PDZRN3: variants seen among roughly 807,000 people sequenced by gnomAD.
PDZRN3 encodes E3 ubiquitin-protein ligase PDZRN3.
PDZRN3 carries 38 observed loss-of-function variants against 85.7 expected under a neutral mutation model. The ratio of observed to expected loss-of-function variants is 0.44; its 90% CI spans 0.34 to 0.58. The LOEUF is 0.58. Among genes scored for constraint, PDZRN3 ranks in the 20% least tolerant of loss-of-function variants. The probability of loss-of-function intolerance (pLI) is 0.01; values close to 1 mark genes in which losing one functional copy is unlikely to be tolerated. For missense variants in PDZRN3, 1,629 were observed against 1,506.4 expected, an observed-to-expected ratio of 1.08 and a Z score of -1.35; for synonymous variants, 759 against 638.0, an observed-to-expected ratio of 1.19 and a Z score of -2.86.
At chr3:73,601,736 C>T (rs186526427) in intron 3 of PDZRN3, among the ~76,000 whole-genome samples, 359 of 152,198 alleles carry the variant, frequency 2.4e-3, no homozygotes, top group Non-Finnish European at 3.5e-3. Flanking sequence ...GATCCACTTC[C>T]CCTACATGAG....
At chr3:73,565,478 G>A (rs1206060001) in intron 3 of PDZRN3, among the ~76,000 whole-genome samples, 1 of 151,954 alleles carries the variant, frequency 6.6e-6, no homozygotes, top group East Asian at 1.9e-4. Context: ...ATCTCTTTAG[G>A]CCTCATCTGA....
At chr3:73,400,033 T>C (rs1395832999) in intron 5 of PDZRN3, among the ~76,000 whole-genome samples, 1 of 152,192 alleles carries the variant, frequency 6.6e-6, no homozygotes, top group Admixed American at 6.5e-5. Context: ...TTCAGAAGTA[T>C]TGGTAGGACA....
At chr3:73,486,472 A>G (rs561979744) in intron 3 of PDZRN3, among the ~76,000 whole-genome samples, 168 of 152,350 alleles carry the variant, frequency 1.1e-3, no homozygotes, top group African/African-American at 3.7e-3. Context: ...CAGCCAAAAA[A>G]TAAACAAAAA....
intron 3 of PDZRN3, among the ~76,000 whole-genome samples, chr3:73,578,594 AG>A: frequency 6.6e-6 from 1 of 152,222 alleles, no homozygotes; most frequent in East Asian, 1.9e-4. Flanking sequence ...AGTGACAAAA[AG>A]TAAAAGCCTG....
intron 1 of PDZRN3, 126 bp downstream of exon 1, chr3:73,623,977 A>G: frequency 2.1e-6 from 2 of 947,412 alleles, no homozygotes; most frequent in Non-Finnish European, 2.9e-6. Flanking sequence ...TAAGCAGTGG[A>G]AGAAGAGGGA....
At chr3:73,600,337 A>ACACACT (rs34405662) in intron 3 of PDZRN3, among the ~76,000 whole-genome samples, 1,022 of 100,068 alleles carry the variant, frequency 0.01, 17 homozygotes, top group African/African-American at 0.039. Context: ...ACACACACAC[A>ACACACT]CTCTCTCTCT....
rs763622913 is a variant in PDZRN3, at chr3:73,384,649, C to A, written c.1917G>T (p.Pro639=). 1.9e-6 allele frequency: 3 copies of A among 1,613,932 alleles called. No homozygotes were observed. Among genetic ancestry groups the A allele is most frequent in the South Asian group, 2.2e-5 (2 of 91,082 alleles). ...CGCGGAAGCGCTCGCACTCGTCCAC[C>A]GGGATCCCCAGGTAGTCGGCGTCCG... ...DCTDADYLGI[P]VDECERFREL... Residue 639 remains proline (P), a synonymous_variant, in exon 10 of 10, where the codon CCG becomes CCT. Coordinates refer to ENST00000263666, the MANE Select transcript of PDZRN3 (RefSeq NM_015009.3).
At chr3:73,452,190 A>G (rs1272684956) in intron 3 of PDZRN3, among the ~76,000 whole-genome samples, 1 of 152,102 alleles carries the variant, frequency 6.6e-6, no homozygotes, top group African/African-American at 2.4e-5. Context: ...ATCTCCAGCC[A>G]TCATTCCACA....
At chr3:73,528,071 C>G (rs994023371) in intron 3 of PDZRN3, among the ~76,000 whole-genome samples, 5 of 152,310 alleles carry the variant, frequency 3.3e-5, no homozygotes, top group African/African-American at 1.2e-4. Context: ...AGGTCAAGGT[C>G]AAAAAGCAGT....
intron 3 of PDZRN3, among the ~76,000 whole-genome samples, chr3:73,501,313 C>T (rs1329265990): frequency 2.0e-5 from 3 of 152,286 alleles, no homozygotes; most frequent in Admixed American, 1.3e-4. Context: ...AACTGGGACA[C>T]GGGCTTTGGA....
At chr3:73,422,606 T>C (rs1470267094) in intron 3 of PDZRN3, among the ~76,000 whole-genome samples, 3 of 152,130 alleles carry the variant, frequency 2.0e-5, no homozygotes, top group South Asian at 4.1e-4. Context: ...TTAACCATGG[T>C]TGGATATGGA....
At chr3:73,508,340 G>A (rs1704104949) in intron 3 of PDZRN3, among the ~76,000 whole-genome samples, 1 of 152,176 alleles carries the variant, frequency 6.6e-6, no homozygotes, top group Non-Finnish European at 1.5e-5. Flanking sequence ...CATAAACTCA[G>A]TCCTGCACTG....
intron 3 of PDZRN3, among the ~76,000 whole-genome samples, chr3:73,500,100 G>A (rs1344114420): frequency 6.6e-6 from 1 of 152,122 alleles, no homozygotes; most frequent in East Asian, 1.9e-4. Context: ...ATGTCACCCT[G>A]GATAGAATGC....
intron 3 of PDZRN3, among the ~76,000 whole-genome samples, chr3:73,458,676 T>C (rs989820923): frequency 6.6e-5 from 10 of 151,260 alleles, no homozygotes; most frequent in African/African-American, 2.4e-4. Context: ...AAGAAATACC[T>C]GAGACTGGGT....
At chr3:73,597,995 C>T (rs528538499) in intron 3 of PDZRN3, among the ~76,000 whole-genome samples, 2 of 152,294 alleles carry the variant, frequency 1.3e-5, no homozygotes, top group South Asian at 4.2e-4. Context: ...CCACGTGTCA[C>T]ATCCCTAAGA....
At chr3:73,409,835 A>G (rs1317870122) in intron 3 of PDZRN3, among the ~76,000 whole-genome samples, 2 of 152,368 alleles carry the variant, frequency 1.3e-5, no homozygotes, top group Non-Finnish European at 2.9e-5. Flanking sequence ...TATTTGGAAA[A>G]GGCATACTAT....
chr3:73,477,018 T>C (rs1433855407), intron 3 of PDZRN3, among the ~76,000 whole-genome samples: 2 of 152,210 alleles, frequency 1.3e-5, no homozygotes, highest in South Asian at 2.1e-4. Context: ...GTAACTACCA[T>C]TGATACCATA....
intron 3 of PDZRN3, chr3:73,569,428 CATGTCACG>C: frequency 8.7e-7 from 1 of 1,146,982 alleles, no homozygotes; most frequent in Non-Finnish European, 1.1e-6. Context: ...CTGTCTCTTC[CATGTCACG>C]TTCTCTTAAG....
At chr3:73,435,923 T>C (rs1299460743) in intron 3 of PDZRN3, among the ~76,000 whole-genome samples, 3 of 152,164 alleles carry the variant, frequency 2.0e-5, no homozygotes, top group Non-Finnish European at 2.9e-5. Flanking sequence ...AATCTCACCT[T>C]TGTCCATCAA....
Sources: gnomAD v4.1 joint callset for allele counts (sites outside exome capture counted in the v4.1 genomes callset) on GRCh38, gnomAD v4.1.1 for gene constraint, MANE v1.5 for transcripts, NCBI Gene and HGNC (gene_info 2026-07-23, HGNC 2026-07-21) for gene names.